Variants in CCDC91 observed in about 807,000 individuals in gnomAD.
CCDC91 encodes the protein coiled-coil domain containing 91.
A neutral mutation model predicts 63.2 loss-of-function variants in CCDC91; 48 were observed. The observed-to-expected ratio is 0.76, with a 90% CI of 0.60 to 0.97. CCDC91 has a LOEUF of 0.97. Among genes scored for constraint, CCDC91 ranks in the 50% least tolerant of loss-of-function variants. The pLI is 0.00. For missense variants in CCDC91, 500 were observed against 494.6 expected (o/e 1.01, Z -0.10); for synonymous variants, 167 against 165.8 (o/e 1.01, Z -0.06).
intron 1 of CCDC91, among the ~76,000 whole-genome samples, chr12:28,201,698 G>T (rs1219693333): frequency 7.0e-6 from 1 of 143,588 alleles, no homozygotes; most frequent in East Asian, 1.9e-4. Context: ...GGAGGTTGTA[G>T]CGAGCCGAGA....
At chr12:28,507,413 C>A (rs1327123546) in intron 12 of CCDC91, among the ~76,000 whole-genome samples, 1 of 151,936 alleles carries the variant, frequency 6.6e-6, no homozygotes, top group Non-Finnish European at 1.5e-5. Flanking sequence ...TAGTAGCCAC[C>A]CCCTAGTTGT....
At chr12:28,218,693 A>G (rs1162935231) in intron 1 of CCDC91, among the ~76,000 whole-genome samples, 3 of 140,102 alleles carry the variant, frequency 2.1e-5, no homozygotes, top group Non-Finnish European at 4.6e-5. Context: ...GGAACATTGC[A>G]GATGTTTGTG....
chr12:28,428,180 A>T (rs1948430089), intron 8 of CCDC91, among the ~76,000 whole-genome samples: 1 of 152,168 alleles, frequency 6.6e-6, no homozygotes, highest in Non-Finnish European at 1.5e-5. Context: ...GTGTGCCCTC[A>T]TATACTTCAT....
intron 6 of CCDC91, among the ~76,000 whole-genome samples, chr12:28,319,997 A>C (rs1940317857): frequency 6.6e-6 from 1 of 151,886 alleles, no homozygotes; most frequent in Non-Finnish European, 1.5e-5. Flanking sequence ...GCTGTATGCT[A>C]AATCTTCATA....
intron 11 of CCDC91, among the ~76,000 whole-genome samples, chr12:28,462,337 A>T (rs1211696804): frequency 1.3e-5 from 2 of 152,152 alleles, no homozygotes; most frequent in African/African-American, 4.8e-5. Context: ...ATAGTTAAGG[A>T]TGAAATAAAA....
intron 4 of CCDC91, among the ~76,000 whole-genome samples, chr12:28,306,488 T>C (rs1256393293): frequency 6.6e-6 from 1 of 152,072 alleles, no homozygotes; most frequent in Admixed American, 6.6e-5. Flanking sequence ...AGTTAAGTCT[T>C]TTAGTGCATT....
intron 12 of CCDC91, among the ~76,000 whole-genome samples, chr12:28,518,144 A>G (rs1297372612): frequency 6.6e-6 from 1 of 151,992 alleles, no homozygotes; most frequent in Non-Finnish European, 1.5e-5. Context: ...CTCTGGGTAG[A>G]TACCCAGTAG....
intron 7 of CCDC91, among the ~76,000 whole-genome samples, chr12:28,371,702 A>G (rs1944633946): frequency 1.3e-5 from 2 of 152,226 alleles, no homozygotes; most frequent in Admixed American, 1.3e-4. Context: ...CATGAATTGA[A>G]CATTGTATTC....
intron 8 of CCDC91, among the ~76,000 whole-genome samples, chr12:28,392,292 C>T (rs773264448): frequency 9.2e-5 from 14 of 152,020 alleles, no homozygotes; most frequent in Non-Finnish European, 1.8e-4. Flanking sequence ...ATATATTAGC[C>T]GGAATGGACT....
chr12:28,547,042 A>T (rs541453882), intron 12 of CCDC91, among the ~76,000 whole-genome samples: 1 of 152,252 alleles, frequency 6.6e-6, no homozygotes, highest in South Asian at 2.1e-4. Flanking sequence ...AACTTCCAGT[A>T]ATGGCAATGA....
At chr12:28,226,641 AT>A (rs1399477214) in intron 1 of CCDC91, among the ~76,000 whole-genome samples, 1 of 152,150 alleles carries the variant, frequency 6.6e-6, no homozygotes, top group Admixed American at 6.5e-5. Flanking sequence ...AACATTTTAC[AT>A]TATTGTACAT....
chr12:28,498,061 T>A (rs1440882209), intron 12 of CCDC91, among the ~76,000 whole-genome samples: 21 of 151,646 alleles, frequency 1.4e-4, no homozygotes, highest in Non-Finnish European at 2.7e-4. Flanking sequence ...TTTTACAGGT[T>A]AAGTTACTTA....
At chr12:28,513,352 A>AT (rs1463410432) in intron 12 of CCDC91, among the ~76,000 whole-genome samples, 1 of 151,794 alleles carries the variant, frequency 6.6e-6, no homozygotes. Context: ...TTTTACTGTC[A>AT]TTTTTTTAGA....
intron 6 of CCDC91, among the ~76,000 whole-genome samples, chr12:28,315,575 T>C (rs73083956): frequency 0.012 from 1,840 of 152,154 alleles, 11 homozygotes; most frequent in Middle Eastern, 0.017. Context: ...GCTTCACTTA[T>C]TTGACTTCCT....
chr12:28,204,007 T>A (rs1213913805), intron 1 of CCDC91, among the ~76,000 whole-genome samples: 2 of 152,190 alleles, frequency 1.3e-5, no homozygotes, highest in Non-Finnish European at 2.9e-5. Context: ...TCCTTGATTT[T>A]GTGAAAATGT....
chr12:28,535,056 G>C (rs558143741), intron 12 of CCDC91, among the ~76,000 whole-genome samples: 1 of 152,290 alleles, frequency 6.6e-6, no homozygotes, highest in East Asian at 1.9e-4. Context: ...TTGACTTCCA[G>C]ATTTTTATAG....
chr12:28,323,192 G>T (rs190624376), intron 6 of CCDC91, among the ~76,000 whole-genome samples: 192 of 151,300 alleles, frequency 1.3e-3, no homozygotes, highest in Non-Finnish European at 2.5e-3. Flanking sequence ...GTATATAATA[G>T]TATAAGGTTA....
intron 7 of CCDC91, among the ~76,000 whole-genome samples, chr12:28,383,921 T>C (rs969053001): frequency 6.6e-5 from 10 of 152,150 alleles, no homozygotes; most frequent in Non-Finnish European, 1.3e-4. Context: ...TGTGTATGCA[T>C]AATTAAATCA....
chr12:28,346,310 A>G (rs1942806179), intron 6 of CCDC91, among the ~76,000 whole-genome samples: 1 of 152,180 alleles, frequency 6.6e-6, no homozygotes, highest in Admixed American at 6.5e-5. Flanking sequence ...GACTTTTAGA[A>G]GTGTTTTCTC....
Sources: allele counts gnomAD v4.1 joint callset (sites outside exome capture counted in the v4.1 genomes callset), GRCh38; gene constraint gnomAD v4.1.1; transcripts MANE v1.5; gene names NCBI Gene and HGNC (gene_info 2026-07-23, HGNC 2026-07-21).